The following CADM2 variants were observed in gnomAD, a reference collection of about 807,000 sequenced individuals.
The protein encoded by CADM2 is cell adhesion molecule 2.
A neutral mutation model predicts 49.8 loss-of-function variants in CADM2; 12 were observed. The ratio of observed to expected loss-of-function variants is 0.24; its 90% CI spans 0.15 to 0.39. CADM2 has a LOEUF of 0.39. Ranked by LOEUF, CADM2 falls within the 10% of genes least tolerant of loss-of-function variation. The probability of loss-of-function intolerance (pLI) is 1.00; values close to 1 mark genes in which losing one functional copy is unlikely to be tolerated. For missense variants in CADM2, 378 were observed against 492.3 expected, an observed-to-expected ratio of 0.77 and a Z score of 2.20; for synonymous variants, 214 against 175.4, an observed-to-expected ratio of 1.22 and a Z score of -1.74.
chr3:85,547,166 T>C (rs111577064), intron 1 of CADM2, among the ~76,000 whole-genome samples: 3,227 of 152,168 alleles, frequency 0.021, 105 homozygotes, highest in African/African-American at 0.072. Flanking sequence ...CAAAATTTCA[T>C]TTGAAAACTG....
chr3:85,341,781 C>T (rs908046255), intron 1 of CADM2, among the ~76,000 whole-genome samples: 1 of 152,146 alleles, frequency 6.6e-6, no homozygotes, highest in Non-Finnish European at 1.5e-5. Flanking sequence ...AAGATTTAAT[C>T]ATTCATTCAA....
At chr3:85,211,922 T>C (rs1333598354) in intron 1 of CADM2, among the ~76,000 whole-genome samples, 1 of 152,156 alleles carries the variant, frequency 6.6e-6, no homozygotes, top group East Asian at 1.9e-4. Flanking sequence ...CCCTCTCTTA[T>C]CTCAAATAAT....
chr3:86,004,327 G>A (rs1730525440), intron 8 of CADM2, among the ~76,000 whole-genome samples: 1 of 152,174 alleles, frequency 6.6e-6, no homozygotes, highest in Non-Finnish European at 1.5e-5. Flanking sequence ...GGGATTTGGT[G>A]CAATCTAATG....
intron 1 of CADM2, among the ~76,000 whole-genome samples, chr3:85,347,490 CAT>C (rs1281859770): frequency 1.7e-4 from 25 of 145,350 alleles, no homozygotes; most frequent in African/African-American, 6.1e-4. Flanking sequence ...GCTCAAATTT[CAT>C]ATATATATAA....
chr3:86,066,644 T>G (rs1215365701), intron 9 of CADM2, 21 bp from the exon 10 acceptor site: 1 of 1,530,816 alleles, frequency 6.5e-7, no homozygotes, highest in Non-Finnish European at 9.1e-7. Flanking sequence ...AGCTAACATA[T>G]TTTTCTTCCA....
At chr3:85,922,830 T>TG (rs1462956961) in intron 6 of CADM2, among the ~76,000 whole-genome samples, 2 of 150,628 alleles carry the variant, frequency 1.3e-5, no homozygotes, top group Non-Finnish European at 1.5e-5. Context: ...TTTTTGTTGT[T>TG]TTTTTTTTTG....
intron 1 of CADM2, among the ~76,000 whole-genome samples, chr3:85,292,673 C>G (rs2043834817): frequency 6.6e-6 from 1 of 151,524 alleles, no homozygotes; most frequent in Non-Finnish European, 1.5e-5. Flanking sequence ...ACTGAACAAC[C>G]TGCTCCTGAA....
chr3:85,840,933 A>G (rs918041348), intron 3 of CADM2, among the ~76,000 whole-genome samples: 2 of 151,850 alleles, frequency 1.3e-5, no homozygotes, highest in African/African-American at 4.8e-5. Context: ...AAATAAGCTG[A>G]AAGTAACTAC....
intron 8 of CADM2, among the ~76,000 whole-genome samples, chr3:86,029,873 C>T (rs995221118): frequency 1.3e-5 from 2 of 152,050 alleles, no homozygotes; most frequent in African/African-American, 2.4e-5. Context: ...ATGGAATCCA[C>T]AGTCAAGGAT....
rs1559897737 is a variant in CADM2 at position 85,541,775 on chromosome 3, T to TATATATATATATATATATATATATA, written c.62-184747_62-184746insATATATATATATATATATATATATA. The stretch of plus-strand genomic sequence containing the variant: ...ATATTTTATATATATATTTTATATT[T>TATATATATATATATATATATATATA]TATATATATATATATATATGTATAG... On this transcript the variant is annotated intron_variant, in intron 1 of 9. Transcript: ENST00000383699. Among the ~76,000 whole-genome samples, 360 of 88,200 alleles carry TATATATATATATATATATATATATA rather than the reference T, an allele frequency of 4.1e-3. 13 individuals carry two copies. The highest frequency in any genetic ancestry group is 0.018 in the East Asian group (15 of 814). 57.9% of individuals were successfully genotyped at this position (88,200 alleles called of 152,430 possible).
rs548182724 is a variant in CADM2, at chr3:85,240,229, T to A, written c.61+280561T>A. Among the ~76,000 whole-genome samples the A allele has an allele frequency of 2.2e-3, 332 of 151,644 alleles. 1 individual carries two copies. Among genetic ancestry groups the A allele is most frequent in the Non-Finnish European group, 3.9e-3 (263 of 67,524 alleles). On this transcript the variant is annotated intron_variant, in intron 1 of 9. Transcript: ENST00000383699. ...AAAGTAGATGGATGGGAAATAGGTA[T>A]TTTTTTCTAGGTTTACATTTGTAGC... is the stretch of plus-strand genomic sequence containing the variant.
chr3:86,034,747 C>T (rs1039819872), intron 8 of CADM2, among the ~76,000 whole-genome samples: 5 of 152,034 alleles, frequency 3.3e-5, no homozygotes, highest in Admixed American at 1.3e-4. Flanking sequence ...ATTTCACACT[C>T]AATATGTCCT....
intron 3 of CADM2, among the ~76,000 whole-genome samples, chr3:85,826,157 A>G (rs1340868720): frequency 6.6e-6 from 1 of 152,036 alleles, no homozygotes; most frequent in African/African-American, 2.4e-5. Context: ...CAACTTTATC[A>G]TTCTGATATG....
chr3:85,374,361 C>A (rs1391506466), intron 1 of CADM2, among the ~76,000 whole-genome samples: 1 of 152,108 alleles, frequency 6.6e-6, no homozygotes, highest in Non-Finnish European at 1.5e-5. Flanking sequence ...ACCTTTCCTG[C>A]AGTTCCCAAT....
At chr3:85,529,495 AT>A (rs2061246521) in intron 1 of CADM2, among the ~76,000 whole-genome samples, 1 of 152,186 alleles carries the variant, frequency 6.6e-6, no homozygotes, top group Non-Finnish European at 1.5e-5. Flanking sequence ...CTCTTTTAGT[AT>A]ACTCACTATA....
chr3:85,560,967 C>A (rs1210117419), intron 1 of CADM2, among the ~76,000 whole-genome samples: 1 of 151,956 alleles, frequency 6.6e-6, no homozygotes, highest in Non-Finnish European at 1.5e-5. Context: ...TAATATGTGC[C>A]CATGATAATA....
chr3:85,635,743 GA>G (rs2064453040), intron 1 of CADM2, among the ~76,000 whole-genome samples: 1 of 152,000 alleles, frequency 6.6e-6, no homozygotes, highest in Non-Finnish European at 1.5e-5. Flanking sequence ...TGTAATGTAT[GA>G]TAGTTATTTG....
intron 1 of CADM2, among the ~76,000 whole-genome samples, chr3:85,319,542 C>A (rs2044549255): frequency 6.6e-6 from 1 of 152,118 alleles, no homozygotes; most frequent in Admixed American, 6.5e-5. Context: ...GGGAATCAAC[C>A]TAAATGCCCA....
intron 1 of CADM2, among the ~76,000 whole-genome samples, chr3:85,002,063 T>C (rs1471223626): frequency 6.6e-6 from 1 of 152,136 alleles, no homozygotes; most frequent in East Asian, 1.9e-4. Context: ...ATTATGATGT[T>C]ATATTATGTT....
Sources: allele counts gnomAD v4.1 joint callset (sites outside exome capture counted in the v4.1 genomes callset), GRCh38; gene constraint gnomAD v4.1.1; transcripts MANE v1.5; gene names NCBI Gene and HGNC (gene_info 2026-07-23, HGNC 2026-07-21).